The following ZNF438 variants were observed in gnomAD, a reference collection of about 807,000 sequenced individuals.
ZNF438 encodes zinc finger protein 438.
Under a neutral mutation model 38.0 loss-of-function variants are expected in ZNF438, and 25 were observed. The observed-to-expected ratio is 0.66, with a 90% CI of 0.48 to 0.92. The LOEUF (loss-of-function observed/expected upper bound fraction) is 0.92. Ranked by LOEUF, ZNF438 falls within the 40% of genes least tolerant of loss-of-function variation. ZNF438 has a pLI of 0.00. For synonymous variants in ZNF438, 372 were observed against 364.1 expected (o/e 1.02, Z -0.25); for missense variants, 1,007 against 999.6 (o/e 1.01, Z -0.10).
intron 1 of ZNF438, among the ~76,000 whole-genome samples, chr10:31,004,248 C>A (rs1204622911): frequency 1.3e-5 from 2 of 152,168 alleles, no homozygotes; most frequent in African/African-American, 4.8e-5. Flanking sequence ...GTCAATAGTG[C>A]TGAAGATGAC....
At chr10:30,989,150 C>A (rs1434460947) in intron 1 of ZNF438, among the ~76,000 whole-genome samples, 1 of 152,116 alleles carries the variant, frequency 6.6e-6, no homozygotes, top group Non-Finnish European at 1.5e-5. Context: ...AGTATATAGC[C>A]TGCTGCTGTA....
At chr10:31,031,355 A>T (rs1388711302) in intron 1 of ZNF438, among the ~76,000 whole-genome samples, 2 of 152,208 alleles carry the variant, frequency 1.3e-5, no homozygotes, top group Non-Finnish European at 1.5e-5. Context: ...TGAGGCAGCA[A>T]CTGGTTATCT....
intron 2 of ZNF438, among the ~76,000 whole-genome samples, chr10:30,911,601 A>C (rs1026826876): frequency 6.6e-6 from 1 of 152,092 alleles, no homozygotes; most frequent in Non-Finnish European, 1.5e-5. Flanking sequence ...CATCTCCTCA[A>C]ACTCTGCAAC....
chr10:30,942,496 G>C (rs1012996368), intron 1 of ZNF438, among the ~76,000 whole-genome samples: 1 of 152,188 alleles, frequency 6.6e-6, no homozygotes, highest in African/African-American at 2.4e-5. Context: ...AAATATACTT[G>C]AAAGTGAGAA....
intron 2 of ZNF438, among the ~76,000 whole-genome samples, chr10:30,934,967 T>C (rs1275603985): frequency 6.6e-6 from 1 of 152,200 alleles, no homozygotes; most frequent in African/African-American, 2.4e-5. Context: ...TGTAGAGCAA[T>C]GCTAGGAAGT....
At chr10:30,983,236 G>T (rs1279556257) in intron 1 of ZNF438, among the ~76,000 whole-genome samples, 1 of 152,198 alleles carries the variant, frequency 6.6e-6, no homozygotes, top group Non-Finnish European at 1.5e-5. Flanking sequence ...CATGCCCATT[G>T]TATCAGTCCT....
intron 3 of ZNF438, among the ~76,000 whole-genome samples, chr10:30,885,800 A>G (rs1333439075): frequency 6.6e-6 from 1 of 152,208 alleles, no homozygotes; most frequent in Non-Finnish European, 1.5e-5. Flanking sequence ...AAAACAAAGA[A>G]TGGCAAGGAC....
intron 1 of ZNF438, among the ~76,000 whole-genome samples, chr10:30,965,316 AT>A (rs1355249002): frequency 6.6e-6 from 1 of 152,190 alleles, no homozygotes; most frequent in Non-Finnish European, 1.5e-5. Context: ...AGAAAAGGCA[AT>A]TCTTATACAC....
chr10:30,921,844 A>G (rs764066387), intron 2 of ZNF438, among the ~76,000 whole-genome samples: 3 of 152,132 alleles, frequency 2.0e-5, no homozygotes, highest in Non-Finnish European at 4.4e-5. Context: ...CCCAATACCG[A>G]TCTTTCTGAG....
At chr10:30,895,467 T>C (rs929146785) in intron 3 of ZNF438, among the ~76,000 whole-genome samples, 6 of 152,186 alleles carry the variant, frequency 3.9e-5, no homozygotes, top group African/African-American at 1.4e-4. Flanking sequence ...GTGACTGAGA[T>C]GACACCAAAA....
chr10:30,935,102 A>G (rs2046102090), intron 2 of ZNF438, among the ~76,000 whole-genome samples: 1 of 152,154 alleles, frequency 6.6e-6, no homozygotes, highest in Non-Finnish European at 1.5e-5. Flanking sequence ...TCATTTGGAA[A>G]CTCCCTAGCT....
intron 1 of ZNF438, among the ~76,000 whole-genome samples, chr10:30,955,306 A>G (rs2048740128): frequency 6.6e-6 from 1 of 152,202 alleles, no homozygotes; most frequent in South Asian, 2.1e-4. Flanking sequence ...TGGATTAAAG[A>G]TGGCCACAAA....
chr10:30,901,541 C>T (rs111441288), intron 3 of ZNF438, among the ~76,000 whole-genome samples: 4,840 of 152,162 alleles, frequency 0.032, 251 homozygotes, highest in African/African-American at 0.11. Context: ...CGACAGGTGC[C>T]CGGTATTTGG....
intron 2 of ZNF438, among the ~76,000 whole-genome samples, chr10:30,911,480 T>C (rs2043073265): frequency 6.6e-6 from 1 of 152,152 alleles, no homozygotes; most frequent in South Asian, 2.1e-4. Context: ...ATCTCATGCC[T>C]CCCGTCTCCT....
chr10:30,891,217 C>T lies in ZNF438; in HGVS notation c.-31-14152G>A, dbSNP rs141831057. On this transcript the variant is annotated intron_variant, in intron 3 of 5. Coordinates refer to ENST00000413025, the Ensembl canonical transcript of ZNF438. ...TTCTAAGATTTCCTCATTTACTTTG[C>T]TCTGCTCTCTTTTTTTCCCCCTTGA... is the stretch of plus-strand genomic sequence containing the variant. Among the ~76,000 whole-genome samples, 607 of 152,208 alleles carry T rather than the reference C, an allele frequency of 4.0e-3. 3 individuals are homozygous for T. Among genetic ancestry groups the T allele is most frequent in the Middle Eastern group, 0.017 (5 of 294 alleles).
At chr10:30,868,414 T>C (rs1205228698) in intron 4 of ZNF438, among the ~76,000 whole-genome samples, 1 of 152,108 alleles carries the variant, frequency 6.6e-6, no homozygotes, top group Admixed American at 6.6e-5. Context: ...TCATTTAAAA[T>C]TATTTTATCC....
Position 30,860,870 on chromosome 10 carries a change from G to T in ZNF438, c.38-10503C>A, listed in dbSNP as rs377340076. ...AGCAACTACCCTAGTAGTTGTTCAA[G>T]AAAGTGGGGTAAGTACAGATCTCAG... On this transcript the variant is annotated intron_variant, in intron 4 of 5. Coordinates refer to ENST00000413025, the Ensembl canonical transcript of ZNF438. 3.3e-5 allele frequency among the ~76,000 whole-genome samples: 5 copies of T among 152,300 alleles called. No individual in the cohort carries two copies. The East Asian group carries it at 9.6e-4, about 29-fold the overall frequency.
intron 4 of ZNF438, among the ~76,000 whole-genome samples, chr10:30,857,001 A>G (rs1280117431): frequency 6.6e-6 from 1 of 152,192 alleles, no homozygotes; most frequent in African/African-American, 2.4e-5. Context: ...AACTCTGCGA[A>G]TAAGTATTAC....
intron 4 of ZNF438, among the ~76,000 whole-genome samples, chr10:30,874,642 A>AT (rs1201559590): frequency 1.3e-5 from 2 of 152,144 alleles, no homozygotes; most frequent in East Asian, 3.9e-4. Flanking sequence ...GTAATTTTCC[A>AT]TAATTTAAGT....
Sources: gnomAD v4.1 joint callset for allele counts (sites outside exome capture counted in the v4.1 genomes callset) on GRCh38, gnomAD v4.1.1 for gene constraint, MANE v1.5 for transcripts, NCBI Gene and HGNC (gene_info 2026-07-23, HGNC 2026-07-21) for gene names.